The following MROH2A variants were observed in gnomAD, a reference collection of about 807,000 sequenced individuals.
MROH2A encodes maestro heat like repeat family member 2A, also known as maestro heat-like repeat-containing protein family member 2A.
Under a neutral mutation model 200.4 loss-of-function variants are expected in MROH2A, and 174 were observed. The observed-to-expected ratio is 0.87, with a 90% CI of 0.77 to 0.98. The LOEUF (loss-of-function observed/expected upper bound fraction) is 0.98. Ranked by LOEUF, MROH2A falls within the 50% of genes least tolerant of loss-of-function variation. The probability of loss-of-function intolerance (pLI) is 0.00; values close to 1 mark genes in which losing one functional copy is unlikely to be tolerated. For synonymous variants in MROH2A, 829 were observed against 840.4 expected (o/e 0.99, Z 0.23); for missense variants, 2,045 against 2,139.6 (o/e 0.96, Z 0.87).
intron 3 of MROH2A, among the ~76,000 whole-genome samples, chr2:233,786,048 T>C (rs559816291): frequency 3.9e-5 from 6 of 152,246 alleles, no homozygotes; most frequent in African/African-American, 1.4e-4. Flanking sequence ...GTTTCCCTCA[T>C]ACTGTTCTCA....
In MROH2A at chr2:233,788,997, T is replaced by C. The variant is rs114143672; in HGVS notation, c.277-500T>C. ...GTAACTTGTCATGCCTGATTAAAAG[T>C]ATTCTCAAATACGACCCTCCAGGTG... On this transcript the variant is annotated intron_variant, in intron 3 of 41. Transcript: ENST00000389758. Among the ~76,000 whole-genome samples the C allele has an allele frequency of 4.5e-3, 637 of 141,278 alleles. 2 individuals carry two copies. Among genetic ancestry groups the C allele is most frequent in the Non-Finnish European group, 7.1e-3 (463 of 65,370 alleles). 92.7% of individuals were successfully genotyped at this position (141,278 alleles called of 152,430 possible).
chr2:233,775,788 C>A (rs567899156), upstream of MROH2A: 3 of 152,316 alleles, frequency 2.0e-5, no homozygotes, highest in East Asian at 3.9e-4. Flanking sequence ...GTGTCCCCAC[C>A]CAAATCTCAT....
chr2:233,833,054 T>A, intron 41 of MROH2A, 84 bp from the exon 42 acceptor site: 1 of 1,445,120 alleles, frequency 6.9e-7, no homozygotes. Flanking sequence ...CTGCGGCCCT[T>A]GCCTGCCATC....
At chr2:233,797,950 T>G (rs999332685) in intron 11 of MROH2A, among the ~76,000 whole-genome samples, 2 of 152,222 alleles carry the variant, frequency 1.3e-5, no homozygotes, top group African/African-American at 4.8e-5. Context: ...ATACTATTTT[T>G]ATAATCAGAA....
At chr2:233,787,568 T>TCA (rs1701290510) in intron 3 of MROH2A, among the ~76,000 whole-genome samples, 1 of 63,180 alleles carries the variant, frequency 1.6e-5, no homozygotes, top group Non-Finnish European at 2.7e-5. Context: ...TACATATATA[T>TCA]TATATATATC....
At chr2:233,800,767 C>T (rs543803973) in intron 14 of MROH2A, among the ~76,000 whole-genome samples, 216 of 151,946 alleles carry the variant, frequency 1.4e-3, no homozygotes, top group African/African-American at 5.0e-3. Context: ...CTCAGTATGA[C>T]GGGAAGGAGT....
intron 14 of MROH2A, among the ~76,000 whole-genome samples, chr2:233,801,934 T>A (rs1324883531): frequency 6.6e-6 from 1 of 152,200 alleles, no homozygotes; most frequent in Admixed American, 6.5e-5. Context: ...GCAACAGGGA[T>A]GCTGGCCCCA....
At chr2:233,810,476 C>T (rs999938014) in intron 22 of MROH2A, among the ~76,000 whole-genome samples, 6 of 152,184 alleles carry the variant, frequency 3.9e-5, no homozygotes, top group African/African-American at 1.4e-4. Context: ...CCCGCTGGGT[C>T]CCTCCCACAA....
chr2:233,825,088 T>C (rs905534587), intron 35 of MROH2A, among the ~76,000 whole-genome samples: 3 of 152,198 alleles, frequency 2.0e-5, no homozygotes, highest in Admixed American at 6.5e-5. Flanking sequence ...TTTGTAGCAA[T>C]TGTGAATGGG....
rs1425851599 is a variant in MROH2A, at chr2:233,802,286, A to C, written c.1679A>C (p.Asp560Ala). Residue 560 changes from aspartate (D) to alanine (A), a missense_variant, in exon 15 of 42, where the codon GAT (aspartate) becomes GCT (alanine). Coordinates refer to ENST00000389758, the MANE Select transcript of MROH2A (RefSeq NM_001394639.1). ...CACCAGCTCCATGGCCAGGATGTGG[A>C]TGTCAGCGTGGCTGGCAAGAGCAGG... ...AEHQLHGQDV[D>A]VSVAGKSRQV... 1 of 1,550,380 alleles carries C rather than the reference A, an allele frequency of 6.5e-7. No individual in the cohort carries two copies. Among genetic ancestry groups the C allele is most frequent in the East Asian group, 2.4e-5 (1 of 40,904 alleles).
chr2:233,793,915 T>C, intron 7 of MROH2A, 91 bp downstream of exon 7: 1 of 1,252,274 alleles, frequency 8.0e-7, no homozygotes. Flanking sequence ...GACCGTCGGG[T>C]CCACACTTAC....
chr2:233,818,853 C>T (rs778901756), intron 29 of MROH2A, 83 bp downstream of exon 29: 183 of 856,874 alleles, frequency 2.1e-4, no homozygotes, highest in South Asian at 1.2e-4. Flanking sequence ...CCTTCCTGGG[C>T]TGGCCTCACA....
At position 233,828,702 on chromosome 2, in the gene MROH2A, G is replaced by T. The variant is rs778853440; in HGVS notation, c.4186G>T (p.Asp1396Tyr). The change falls in exon 36 of 42, where the codon GAC (aspartate) becomes TAC (tyrosine). Residue 1396 changes from aspartate to tyrosine, a missense_variant. Asp to Tyr is a radical substitution (Grantham distance 160). Around this residue, in one of 3 missense-constraint regions of MROH2A, gnomAD observed 1,201 missense variants for 1,311.3 expected, o/e 0.92. Transcript: ENST00000389758. The surrounding 1 kb of genome is among the most constrained non-coding windows in gnomAD (Gnocchi z 4.6). ...AGCTTTGCTGCTGGAGAAGGGTGCC[G>T]ACCAGGAGGAAGACGAGGCCCTGCG... Reference protein sequence around the residue: ...PAALLLEKGADQEEDEALRVL... With the variant: ...PAALLLEKGAYQEEDEALRVL... 6.4e-7 allele frequency: 1 copy of T among 1,550,678 alleles called. No homozygotes were observed. The highest frequency in any genetic ancestry group is 2.4e-5 in the East Asian group (1 of 40,924).
chr2:233,820,046 C>T lies in MROH2A; in HGVS notation c.3502C>T (p.Pro1168Ser). Reference protein sequence around the residue: ...ILTSLLRQPLPMESHLAEVWL... With the variant: ...ILTSLLRQPLSMESHLAEVWL... ...CACATCGCTCCTGAGGCAGCCACTGCCCATGGAGAGGTGGGTGCCCTGGAG... is the reference window on the plus strand; with the variant it reads ...CACATCGCTCCTGAGGCAGCCACTGTCCATGGAGAGGTGGGTGCCCTGGAG... Residue 1168 changes from proline to serine, a missense_variant, in exon 31 of 42, where the codon CCC becomes TCC. Coordinates refer to ENST00000389758, the MANE Select transcript of MROH2A (RefSeq NM_001394639.1). This position sits in a 1 kb window ranked among gnomAD's most constrained non-coding sequence, Gnocchi z 4.1. The T allele has an allele frequency of 6.6e-7, 1 of 1,523,600 alleles. No individual in the cohort carries two copies. The highest frequency in any genetic ancestry group is 2.0e-5 in the Admixed American group (1 of 48,976). 94.4% of individuals were successfully genotyped at this position (1,523,600 alleles called of 1,614,324 possible). A position where few individuals can be genotyped will look rare whatever the true frequency, so the allele number is the denominator to read the frequency against.
chr2:233,817,929 ACAC>A, intron 27 of MROH2A, 70 bp from the exon 28 acceptor site: 3 of 1,532,962 alleles, frequency 2.0e-6, no homozygotes, highest in Non-Finnish European at 2.6e-6. Context: ...GTTGTCCTTT[ACAC>A]TGCCCCTGGG....
In MROH2A at chr2:233,822,112, G is replaced by A; in HGVS notation, c.3513-12G>A. On this transcript the variant is annotated splice_polypyrimidine_tract_variant and intron_variant, in intron 31 of 41. Coordinates refer to ENST00000389758, the MANE Select transcript of MROH2A (RefSeq NM_001394639.1). The stretch of plus-strand genomic sequence containing the variant: ...AGGAAACTCACAGTCCTTGTGCCCT[G>A]ACTTTGGTTAGCCACCTGGCAGAGG... 6.5e-7 allele frequency: 1 copy of A among 1,546,844 alleles called. No individual in the cohort carries two copies. The highest frequency in any genetic ancestry group is 8.7e-7 in the Non-Finnish European group (1 of 1,144,770).
At chr2:233,823,762 G>T in intron 35 of MROH2A, 98 bp downstream of exon 35, 1 of 1,460,356 alleles carries the variant, frequency 6.8e-7, no homozygotes, top group Non-Finnish European at 9.2e-7. Flanking sequence ...ATGGGAGTCG[G>T]GGGGACAGGC....
chr2:233,790,815 G>A (rs989205275), intron 5 of MROH2A, among the ~76,000 whole-genome samples: 7 of 152,034 alleles, frequency 4.6e-5, no homozygotes, highest in South Asian at 2.1e-4. Context: ...ACATGGCTCC[G>A]GTGCTCAGAA....
chr2:233,799,740 C>G, intron 12 of MROH2A, 40 bp from the exon 13 acceptor site: 1 of 1,548,964 alleles, frequency 6.5e-7, no homozygotes, highest in South Asian at 1.2e-5. Context: ...CCTTGGAGCC[C>G]ACCCCAACCC....
Sources: allele counts gnomAD v4.1 joint callset (sites outside exome capture counted in the v4.1 genomes callset), GRCh38; gene constraint gnomAD v4.1.1; regional missense constraint gnomAD v4.1.1; non-coding constraint Gnocchi (gnomAD v3.1); transcripts MANE v1.5; gene names NCBI Gene and HGNC (gene_info 2026-07-23, HGNC 2026-07-21).